The following PTPRD variants were observed in gnomAD, a reference collection of about 807,000 sequenced individuals.
PTPRD encodes the protein receptor-type tyrosine-protein phosphatase delta.
In PTPRD, 34 loss-of-function variants were observed where a neutral mutation model predicts 214.5. The observed-to-expected ratio is 0.16, with a 90% confidence interval of 0.12 to 0.21. The LOEUF (loss-of-function observed/expected upper bound fraction) is 0.21. Among genes scored for constraint, PTPRD ranks in the 10% least tolerant of loss-of-function variants. PTPRD has a pLI of 1.00. For synonymous variants in PTPRD, 1,128 were observed against 845.7 expected (o/e 1.33, Z -5.79); for missense variants, 2,545 against 2,398.7 (o/e 1.06, Z -1.27).
chr9:8,326,370 G>A (rs11535419), intron 44 of PTPRD, among the ~76,000 whole-genome samples: 17,222 of 151,764 alleles, frequency 0.11, 620 homozygotes, highest in African/African-American at 0.2. Context: ...GATGGATTAC[G>A]TTCATTGATT....
intron 12 of PTPRD, among the ~76,000 whole-genome samples, chr9:8,677,802 G>T (rs1317206407): frequency 6.6e-6 from 1 of 152,098 alleles, no homozygotes; most frequent in African/African-American, 2.4e-5. Context: ...ATTATTAACA[G>T]ACCCAGGCAC....
chr9:10,303,372 A>G (rs904978859), intron 3 of PTPRD, among the ~76,000 whole-genome samples: 9 of 152,088 alleles, frequency 5.9e-5, no homozygotes, highest in African/African-American at 2.2e-4. Flanking sequence ...AGAGCAAACA[A>G]ATTCAAAAGC....
At chr9:8,892,858 C>G (rs1023742237) in intron 11 of PTPRD, among the ~76,000 whole-genome samples, 6 of 151,856 alleles carry the variant, frequency 4.0e-5, no homozygotes, top group African/African-American at 1.4e-4. Context: ...TAAAAGCACA[C>G]AGATAATTCA....
At position 8,370,205 on chromosome 9, in the gene PTPRD, T is replaced by C. The variant is rs866302759; in HGVS notation, c.4661+5731A>G. ...TCTATTCATGCACTGCACATATATA[T>C]ATACACACACACACACACACACACA... On this transcript the variant is annotated intron_variant, in intron 39 of 45. Coordinates refer to ENST00000381196, the MANE Select transcript of PTPRD (RefSeq NM_002839.4). Among the ~76,000 whole-genome samples, 305 of 63,454 alleles carry C rather than the reference T, an allele frequency of 4.8e-3. 1 individual carries two copies. The highest frequency in any genetic ancestry group is 0.016 in the South Asian group (34 of 2,134). 41.6% of individuals were successfully genotyped at this position (63,454 alleles called of 152,430 possible). A position where few individuals can be genotyped will look rare whatever the true frequency, so the allele number is the denominator to read the frequency against.
rs144200611 is a variant in PTPRD, at chr9:8,376,609, T to G, written c.4504A>C (p.Lys1502Gln). ...TYCVRTFALYKNGSSEKREVR... is the reference protein window; with the variant it reads ...TYCVRTFALYQNGSSEKREVR... Reference sequence around the variant, plus strand: ...GGAGAAAAAGATGAAAAGCAAACCTTGTAAAGTGCAAATGTTCGAACACAA... The same window carrying G: ...GGAGAAAAAGATGAAAAGCAAACCTGGTAAAGTGCAAATGTTCGAACACAA... The change falls in exon 38 of 46, where the codon AAG becomes CAG. Residue 1502 changes from lysine to glutamine, a missense_variant and splice_region_variant. Physicochemically the swap from Lys to Gln is moderately conservative, Grantham distance 53. Coordinates refer to ENST00000381196, the MANE Select transcript of PTPRD (RefSeq NM_002839.4). 54 of 1,612,588 alleles carry G rather than the reference T, an allele frequency of 3.3e-5. No individual in the cohort carries two copies. Among genetic ancestry groups the G allele is most frequent in the Non-Finnish European group, 4.4e-5 (52 of 1,179,128 alleles).
intron 9 of PTPRD, among the ~76,000 whole-genome samples, chr9:9,394,755 A>G (rs1270249694): frequency 3.9e-5 from 6 of 152,076 alleles, no homozygotes; most frequent in African/African-American, 1.4e-4. Context: ...ATATTGAAAG[A>G]AAGTCAAGAG....
At chr9:9,155,442 T>G (rs182683591) in intron 10 of PTPRD, among the ~76,000 whole-genome samples, 5 of 152,182 alleles carry the variant, frequency 3.3e-5, no homozygotes, top group African/African-American at 9.6e-5. Flanking sequence ...GGATTAATGT[T>G]CTCAGAAATA....
At chr9:9,725,878 G>A (rs1455285378) in intron 7 of PTPRD, among the ~76,000 whole-genome samples, 1 of 152,054 alleles carries the variant, frequency 6.6e-6, no homozygotes, top group Non-Finnish European at 1.5e-5. Flanking sequence ...CTAATCGTTG[G>A]ATGTTTCATT....
intron 5 of PTPRD, among the ~76,000 whole-genome samples, chr9:9,794,625 C>T (rs1345450566): frequency 3.9e-5 from 6 of 152,008 alleles, no homozygotes; most frequent in Non-Finnish European, 5.9e-5. Context: ...CATTGTTTGT[C>T]GACTATTTCA....
intron 9 of PTPRD, among the ~76,000 whole-genome samples, chr9:9,210,482 C>G (rs771995737): frequency 1.3e-5 from 2 of 152,064 alleles, no homozygotes; most frequent in African/African-American, 2.4e-5. Flanking sequence ...CCTTTGTTTT[C>G]TTGTTTTCAT....
At chr9:10,052,401 T>C (rs993606845) in intron 3 of PTPRD, among the ~76,000 whole-genome samples, 1 of 152,158 alleles carries the variant, frequency 6.6e-6, no homozygotes, top group African/African-American at 2.4e-5. Flanking sequence ...AGAGTTGGAA[T>C]TGTGTCATTC....
intron 11 of PTPRD, among the ~76,000 whole-genome samples, chr9:8,755,190 T>C (rs1380972390): frequency 2.0e-5 from 3 of 149,814 alleles, no homozygotes; most frequent in Admixed American, 2.0e-4. Context: ...CATTAGGTTA[T>C]ACTCAACAAT....
At chr9:9,431,165 G>A (rs2082945144) in intron 8 of PTPRD, among the ~76,000 whole-genome samples, 1 of 152,114 alleles carries the variant, frequency 6.6e-6, no homozygotes, top group African/African-American at 2.4e-5. Context: ...CTGACAAAGG[G>A]CTAATATCCA....
At chr9:8,526,675 T>C (rs2074247367) in intron 16 of PTPRD, 31 bp from the exon 17 acceptor site, 2 of 1,567,546 alleles carry the variant, frequency 1.3e-6, no homozygotes, top group Non-Finnish European at 8.7e-7. Flanking sequence ...CAAATAAGAT[T>C]AGAAAGAAGA....
At chr9:9,163,756 A>T (rs1029469131) in intron 10 of PTPRD, among the ~76,000 whole-genome samples, 2 of 152,304 alleles carry the variant, frequency 1.3e-5, no homozygotes, top group East Asian at 3.9e-4. Context: ...TACGTTAAGC[A>T]GCCTCATAAC....
rs145563487 is a variant in PTPRD at position 8,973,294 on chromosome 9, A to G, written c.-104+45403T>C. On this transcript the variant is annotated intron_variant, in intron 11 of 45. Coordinates refer to ENST00000381196, the MANE Select transcript of PTPRD (RefSeq NM_002839.4). ...CCTGCGCGCTCAATGTTTAGCTCCC[A>G]TTTATAGACGGACACACAGGATTTA... is the stretch of plus-strand genomic sequence containing the variant. Among the ~76,000 whole-genome samples the G allele has an allele frequency of 1.9e-3, 290 of 151,920 alleles. 1 individual carries two copies. The highest frequency in any genetic ancestry group is 6.7e-3 in the African/African-American group (278 of 41,472).
At chr9:9,052,193 G>C (rs182469289) in intron 10 of PTPRD, among the ~76,000 whole-genome samples, 1 of 151,968 alleles carries the variant, frequency 6.6e-6, no homozygotes, top group Non-Finnish European at 1.5e-5. Context: ...AGCTCACTAG[G>C]GTCTATTTTA....
chr9:10,442,045 C>G (rs1045790017), intron 2 of PTPRD, among the ~76,000 whole-genome samples: 1 of 151,446 alleles, frequency 6.6e-6, no homozygotes, highest in East Asian at 1.9e-4. Flanking sequence ...TGTTTGAAGA[C>G]CTTACATAAT....
chr9:8,643,629 C>T (rs570590344), intron 12 of PTPRD, among the ~76,000 whole-genome samples: 2 of 152,334 alleles, frequency 1.3e-5, no homozygotes, highest in East Asian at 3.9e-4. Flanking sequence ...GCCACCACTG[C>T]TCGCAGCTCT....
Sources: gnomAD v4.1 joint callset for allele counts (sites outside exome capture counted in the v4.1 genomes callset) on GRCh38, gnomAD v4.1.1 for gene constraint, MANE v1.5 for transcripts, NCBI Gene and HGNC (gene_info 2026-07-23, HGNC 2026-07-21) for gene names.